The following MCC variants were observed in gnomAD, a reference collection of about 807,000 sequenced individuals.
MCC encodes MCC regulator of Wnt signaling pathway.
In MCC, 90 loss-of-function variants were observed where a neutral mutation model predicts 116.2. The ratio of observed to expected loss-of-function variants is 0.77; its 90% CI spans 0.65 to 0.92. MCC has a LOEUF of 0.92. Ranked by LOEUF, MCC falls within the 40% of genes least tolerant of loss-of-function variation. The probability of loss-of-function intolerance (pLI) is 0.00; values close to 1 mark genes in which losing one functional copy is unlikely to be tolerated. For synonymous variants in MCC, 578 were observed against 510.5 expected (o/e 1.13, Z -1.78); for missense variants, 1,516 against 1,312.2 (o/e 1.16, Z -2.40).
intron 1 of MCC, chr5:113,436,756 A>C (rs1770876707): frequency 6.6e-6 from 1 of 152,190 alleles, no homozygotes; most frequent in Admixed American, 6.5e-5. Context: ...TGGAGGCTTC[A>C]TCTGCCTAAG....
At chr5:113,111,516 G>A (rs561242997) in intron 6 of MCC, among the ~76,000 whole-genome samples, 1 of 152,094 alleles carries the variant, frequency 6.6e-6, no homozygotes, top group African/African-American at 2.4e-5. Flanking sequence ...TGGAATAAGG[G>A]GTTAAATAAT....
intron 3 of MCC, among the ~76,000 whole-genome samples, chr5:113,259,631 G>C (rs900406329): frequency 6.6e-6 from 1 of 152,066 alleles, no homozygotes; most frequent in Non-Finnish European, 1.5e-5. Flanking sequence ...AGCAGAGTGC[G>C]GCCAGGAGAA....
chr5:113,148,315 C>T (rs1234515201), intron 4 of MCC, among the ~76,000 whole-genome samples: 2 of 152,276 alleles, frequency 1.3e-5, no homozygotes, highest in East Asian at 1.9e-4. Context: ...CTTTGTCTTC[C>T]CCATCACATT....
chr5:113,302,911 G>T (rs925676336), intron 3 of MCC, among the ~76,000 whole-genome samples: 1 of 152,240 alleles, frequency 6.6e-6, no homozygotes, highest in African/African-American at 2.4e-5. Context: ...GTAAGAGGAT[G>T]TTTGTGGCTT....
Position 113,345,701 on chromosome 5 carries a change from T to C in MCC, c.416-4971A>G, listed in dbSNP as rs1307152811. On this transcript the variant is annotated intron_variant, in intron 2 of 18. Coordinates refer to ENST00000408903, the MANE Select transcript of MCC (RefSeq NM_001085377.2). ...CTCTAAGAGTCTGAAAAATACACAG[T>C]ATTATTGGGCTTGGTGCCCAAGTCC... 4.6e-5 allele frequency among the ~76,000 whole-genome samples: 7 copies of C among 152,274 alleles called. No homozygotes were observed. In the East Asian group the frequency reaches 1.4e-3, roughly 29 times the overall value.
intron 1 of MCC, among the ~76,000 whole-genome samples, chr5:113,479,017 T>G (rs376033282): frequency 2.0e-5 from 3 of 152,222 alleles, no homozygotes; most frequent in Non-Finnish European, 4.4e-5. Context: ...TGGTTTCACT[T>G]GTATGTGAAT....
intron 1 of MCC, among the ~76,000 whole-genome samples, chr5:113,443,801 T>C (rs1192318579): frequency 4.6e-5 from 7 of 152,182 alleles, no homozygotes; most frequent in African/African-American, 1.2e-4. Flanking sequence ...ATAACATTTA[T>C]TGATTTGCAT....
intron 3 of MCC, among the ~76,000 whole-genome samples, chr5:113,239,770 C>T (rs2150338470): frequency 6.6e-6 from 1 of 152,304 alleles, no homozygotes; most frequent in South Asian, 2.1e-4. Flanking sequence ...ATACACATTT[C>T]TCATTTGTCA....
intron 3 of MCC, among the ~76,000 whole-genome samples, chr5:113,196,693 C>CAA (rs1448352905): frequency 3.9e-5 from 6 of 152,066 alleles, no homozygotes; most frequent in African/African-American, 1.4e-4. Flanking sequence ...ATTAAAAATA[C>CAA]AAAAAATTAG....
intron 2 of MCC, among the ~76,000 whole-genome samples, chr5:113,374,187 C>T (rs1483327018): frequency 6.6e-6 from 1 of 151,274 alleles, no homozygotes; most frequent in Non-Finnish European, 1.5e-5. Flanking sequence ...CCACGGTGCC[C>T]AGCCTGGGGC....
At chr5:113,254,683 T>C (rs1764940024) in intron 3 of MCC, among the ~76,000 whole-genome samples, 2 of 152,216 alleles carry the variant, frequency 1.3e-5, no homozygotes, top group Non-Finnish European at 1.5e-5. Flanking sequence ...GCTTGGTTAA[T>C]AACCTAGGAT....
chr5:113,335,690 A>T (rs1388271298), intron 3 of MCC, among the ~76,000 whole-genome samples: 2 of 151,722 alleles, frequency 1.3e-5, no homozygotes. Flanking sequence ...TGCTTTACCC[A>T]TAGTTTTATG....
At chr5:113,027,982 CCATAAGCCAATGCTG>C (rs1750686857) in intron 18 of MCC, among the ~76,000 whole-genome samples, 1 of 152,148 alleles carries the variant, frequency 6.6e-6, no homozygotes, top group African/African-American at 2.4e-5. Flanking sequence ...TTAAATTAGG[CCATAAGCCAATGCTG>C]CAAAGCCAAA....
At chr5:113,221,605 C>A (rs1763554228) in intron 3 of MCC, among the ~76,000 whole-genome samples, 1 of 152,186 alleles carries the variant, frequency 6.6e-6, no homozygotes, top group African/African-American at 2.4e-5. Flanking sequence ...ATTGTAAAAC[C>A]TAAGATCAGT....
chr5:113,471,008 C>T (rs1293092564), intron 1 of MCC, among the ~76,000 whole-genome samples: 4 of 152,214 alleles, frequency 2.6e-5, no homozygotes, highest in South Asian at 2.1e-4. Context: ...ACGTAGCTCT[C>T]GTGCCTTGGT....
intron 14 of MCC, among the ~76,000 whole-genome samples, chr5:113,061,189 C>T (rs1753192076): frequency 6.6e-6 from 1 of 152,214 alleles, no homozygotes; most frequent in Non-Finnish European, 1.5e-5. Flanking sequence ...TACCTAGAGG[C>T]TCACGGCAAG....
chr5:113,372,520 A>AT (rs1440109824), intron 2 of MCC, among the ~76,000 whole-genome samples: 3 of 152,098 alleles, frequency 2.0e-5, no homozygotes, highest in Non-Finnish European at 2.9e-5. Flanking sequence ...TATATATTGT[A>AT]TTTTTTCTTT....
intron 3 of MCC, among the ~76,000 whole-genome samples, chr5:113,261,193 T>C (rs1240733465): frequency 6.6e-6 from 1 of 152,176 alleles, no homozygotes; most frequent in Non-Finnish European, 1.5e-5. Flanking sequence ...CTCAAAACAC[T>C]TGCACTAGCC....
At chr5:113,234,583 A>G (rs1199646957) in intron 3 of MCC, 3 of 152,192 alleles carry the variant, frequency 2.0e-5, no homozygotes, top group Admixed American at 6.6e-5. Context: ...ATCCCTCAAA[A>G]GAGGTCTCTA....
Sources: gnomAD v4.1 joint callset for allele counts (sites outside exome capture counted in the v4.1 genomes callset) on GRCh38, gnomAD v4.1.1 for gene constraint, MANE v1.5 for transcripts, NCBI Gene and HGNC (gene_info 2026-07-23, HGNC 2026-07-21) for gene names.